PHF14: variants seen among roughly 807,000 people sequenced by gnomAD.
The protein encoded by PHF14 is PHD finger protein 14.
In PHF14, 55 loss-of-function variants were observed where a neutral mutation model predicts 117.9. That is an observed-to-expected ratio of 0.47 (90% CI 0.38 to 0.58). PHF14 has a LOEUF of 0.58. Ranked by LOEUF, PHF14 falls within the 20% of genes least tolerant of loss-of-function variation. The pLI is 0.00. For missense variants in PHF14, 978 were observed against 1,122.2 expected, an observed-to-expected ratio of 0.87 and a Z score of 1.84; for synonymous variants, 409 against 368.6, an observed-to-expected ratio of 1.11 and a Z score of -1.26.
Position 10,982,666 on chromosome 7 carries a change from A to G in PHF14, c.407A>G (p.Glu136Gly), listed in dbSNP as rs754570708. ...EKEKEREKEK[E>G]KATVSENVAA... ...GAGAAGGAAAGAGAGAAGGAAAAAGAAAAAGCAACAGTATCTGAGAATGTG... is the reference window on the plus strand; with the variant it reads ...GAGAAGGAAAGAGAGAAGGAAAAAGGAAAAGCAACAGTATCTGAGAATGTG... Residue 136 changes from glutamate (E) to glycine (G), a missense_variant, in exon 3 of 18, where the codon GAA becomes GGA. By Grantham distance (98) the Glu-to-Gly change is moderately conservative (BLOSUM62 -2). Transcript: ENST00000634607. The G allele has an allele frequency of 1.3e-5, 21 of 1,578,312 alleles. No homozygotes were observed. In the South Asian group the frequency reaches 2.4e-4, roughly 18 times the overall value.
intron 16 of PHF14, among the ~76,000 whole-genome samples, chr7:11,096,754 C>CACAGG (rs1368119247): frequency 1.3e-5 from 2 of 152,028 alleles, no homozygotes; most frequent in Non-Finnish European, 2.9e-5. Flanking sequence ...ATAATCTTCC[C>CACAGG]ACAGGACAGT....
At chr7:11,127,244 C>CTT (rs10668180) in intron 17 of PHF14, among the ~76,000 whole-genome samples, 58,869 of 144,892 alleles carry the variant, frequency 0.41, 12,509 homozygotes, top group East Asian at 0.84. Context: ...CTTGCCCCTC[C>CTT]TTTTTTTTTT....
At chr7:10,985,636 C>CCGGTTTTTTTTTTTTTTT (rs750860479) in intron 3 of PHF14, among the ~76,000 whole-genome samples, 5 of 90,864 alleles carry the variant, frequency 5.5e-5, no homozygotes, top group East Asian at 8.2e-4. Context: ...GATTCTCAAA[C>CCGGTTTTTTTTTTTTTTT]TGTTTTTTTT....
At chr7:11,056,872 G>T (rs1785039580) in intron 14 of PHF14, among the ~76,000 whole-genome samples, 1 of 150,352 alleles carries the variant, frequency 6.7e-6, no homozygotes, top group African/African-American at 2.4e-5. Context: ...TTGAATAGCT[G>T]CCAGAAAGCT....
chr7:11,017,356 C>A lies in PHF14; in HGVS notation c.1205+3450C>A, dbSNP rs111910121. Among the ~76,000 whole-genome samples the A allele has an allele frequency of 3.5e-3, 539 of 152,254 alleles. 2 individuals are homozygous for A. Among genetic ancestry groups the A allele is most frequent in the African/African-American group, 0.013 (524 of 41,556 alleles). ...TGGTTGTACTAATATACATTTCATG[C>A]AACAGTGTACAAGGGTTCCCTTTTC... On this transcript the variant is annotated intron_variant, in intron 5 of 17. Coordinates refer to ENST00000634607, the MANE Select transcript of PHF14 (RefSeq NM_001007157.2).
intron 4 of PHF14, among the ~76,000 whole-genome samples, chr7:11,005,628 T>C (rs1218000047): frequency 6.6e-6 from 1 of 152,162 alleles, no homozygotes; most frequent in African/African-American, 2.4e-5. Flanking sequence ...TCAGTGTATG[T>C]GGGATATTTC....
chr7:11,155,938 C>G (rs1168934589), intron 17 of PHF14, among the ~76,000 whole-genome samples: 2 of 151,852 alleles, frequency 1.3e-5, no homozygotes, highest in Non-Finnish European at 2.9e-5. Context: ...TGTTTTATAG[C>G]CTATATTATG....
intron 17 of PHF14, among the ~76,000 whole-genome samples, chr7:11,115,258 A>G (rs963309675): frequency 6.6e-6 from 1 of 152,010 alleles, no homozygotes; most frequent in African/African-American, 2.4e-5. Flanking sequence ...TTGAGAAGCT[A>G]TCTGAATAGA....
intron 4 of PHF14, among the ~76,000 whole-genome samples, chr7:10,995,852 A>C (rs1445095188): frequency 6.6e-6 from 1 of 152,162 alleles, no homozygotes; most frequent in Admixed American, 6.5e-5. Flanking sequence ...GCCCACCCGG[A>C]ACTCGCGCTG....
intron 4 of PHF14, among the ~76,000 whole-genome samples, chr7:10,996,581 C>G (rs1469655215): frequency 6.6e-6 from 1 of 151,868 alleles, no homozygotes; most frequent in African/African-American, 2.4e-5. Flanking sequence ...GGCAAGCTAT[C>G]CCAGAGGTTA....
intron 16 of PHF14, among the ~76,000 whole-genome samples, chr7:11,096,973 CTTTTTTTTTT>C (rs899756252): frequency 2.8e-5 from 3 of 108,586 alleles, no homozygotes; most frequent in African/African-American, 1.2e-4. Flanking sequence ...TAGACTAGAA[CTTTTTTTTTT>C]TTTTTTTTTT....
At chr7:11,081,713 G>C (rs1397938840) in intron 16 of PHF14, among the ~76,000 whole-genome samples, 1 of 151,814 alleles carries the variant, frequency 6.6e-6, no homozygotes, top group Non-Finnish European at 1.5e-5. Flanking sequence ...AAAATTAGCG[G>C]GGTGTGGTGG....
intron 16 of PHF14, among the ~76,000 whole-genome samples, chr7:11,072,729 AAAGT>A (rs1210146946): frequency 2.0e-5 from 3 of 152,252 alleles, no homozygotes; most frequent in African/African-American, 7.2e-5. Context: ...ATTTATAAAG[AAAGT>A]AAGTTTATTT....
At chr7:11,119,481 TGTGA>T (rs1301825700) in intron 17 of PHF14, among the ~76,000 whole-genome samples, 1 of 151,804 alleles carries the variant, frequency 6.6e-6, no homozygotes, top group African/African-American at 2.4e-5. Flanking sequence ...TTATTTGTCG[TGTGA>T]GTGTGAGAGA....
chr7:11,021,337 AAAT>A (rs1783728372), intron 5 of PHF14, among the ~76,000 whole-genome samples: 2 of 152,182 alleles, frequency 1.3e-5, no homozygotes, highest in African/African-American at 4.8e-5. Context: ...ACAAAGTTAT[AAAT>A]AATGTGCATC....
intron 17 of PHF14, among the ~76,000 whole-genome samples, chr7:11,162,391 G>C (rs1000766480): frequency 6.6e-6 from 1 of 151,996 alleles, no homozygotes; most frequent in Non-Finnish European, 1.5e-5. Context: ...CGCCTAGCCA[G>C]ATGTCTTAAA....
At chr7:11,081,622 C>G (rs891255733) in intron 16 of PHF14, among the ~76,000 whole-genome samples, 1 of 152,028 alleles carries the variant, frequency 6.6e-6, no homozygotes, top group African/African-American at 2.4e-5. Context: ...TTTGGGAGGC[C>G]GAGGTGGGCG....
Position 10,982,614 on chromosome 7 carries a change from A to G in PHF14, c.355A>G (p.Lys119Glu), listed in dbSNP as rs1782079394. The change falls in exon 3 of 18, where the codon AAG (lysine) becomes GAG (glutamate). Residue 119 changes from lysine (K) to glutamate (E), a missense_variant. Lys to Glu is a moderately conservative substitution (Grantham distance 56). This residue lies in a region of PHF14 where 414 missense variants were observed against 376.4 expected (regional missense o/e 1.10). Transcript: ENST00000634607. ...ACCTAGAAAGAAAAAGGAGAAAGAG[A>G]AGGAAAAAGAAAAGGAAAAGGAGAA... is the stretch of plus-strand genomic sequence containing the variant. ...ERPRKKKEKE[K>E]EKEKEKEKEK... 3.9e-6 allele frequency: 6 copies of G among 1,524,520 alleles called. No individual in the cohort carries two copies. The highest frequency in any genetic ancestry group is 5.3e-6 in the Non-Finnish European group (6 of 1,125,106). 94.4% of individuals were successfully genotyped at this position (1,524,520 alleles called of 1,614,324 possible).
At chr7:10,990,272 G>T (rs1251954968) in intron 3 of PHF14, among the ~76,000 whole-genome samples, 1 of 152,100 alleles carries the variant, frequency 6.6e-6, no homozygotes, top group East Asian at 1.9e-4. Flanking sequence ...CTCTAGGTAG[G>T]ATTATAAGCT....
Sources: gnomAD v4.1 joint callset for allele counts (sites outside exome capture counted in the v4.1 genomes callset) on GRCh38, gnomAD v4.1.1 for gene constraint, gnomAD v4.1.1 regional missense constraint, MANE v1.5 for transcripts, NCBI Gene and HGNC (gene_info 2026-07-23, HGNC 2026-07-21) for gene names.